Variants in KRTAP10-9 observed in about 807,000 individuals in gnomAD.
KRTAP10-9 encodes keratin associated protein 10-9, also known as keratin-associated protein 10-9.
Under a neutral mutation model 0.5 loss-of-function variants are expected in KRTAP10-9, and 1 was observed. The observed-to-expected ratio is 1.92, with a 90% CI of 0.68 to 9.09. KRTAP10-9 has a LOEUF of 9.09. Ranked by LOEUF, KRTAP10-9 falls within the 30% of genes most tolerant of loss-of-function variation. KRTAP10-9 has a pLI of 0.13. For synonymous variants in KRTAP10-9, 199 were observed against 159.8 expected, an observed-to-expected ratio of 1.25 and a Z score of -1.85; for missense variants, 391 against 376.4, an observed-to-expected ratio of 1.04 and a Z score of -0.32.
rs1300844638 is a variant in KRTAP10-9, at chr21:44,628,197, C to G, written c.*147C>G. The stretch of plus-strand genomic sequence containing the variant: ...CCAGCCCCGGGGTCTCAGATGCTCA[C>G]TGGCTCCTCCCTGACCTCCCCCCCG... On this transcript the variant is annotated 3_prime_UTR_variant, in exon 1 of 1. Transcript: ENST00000397911. 1 of 963,900 alleles carries G rather than the reference C, an allele frequency of 1.0e-6. No homozygotes were observed. The highest frequency in any genetic ancestry group is 1.5e-6 in the Non-Finnish European group (1 of 667,630). 59.7% of individuals were successfully genotyped at this position (963,900 alleles called of 1,614,324 possible).
chr21:44,627,383 G>A lies in KRTAP10-9; in HGVS notation c.212G>A (p.Cys71Tyr). The change falls in exon 1 of 1, where the codon TGC becomes TAC. Residue 71 changes from cysteine (C) to tyrosine (Y), a missense_variant. Coordinates refer to ENST00000397911, the MANE Select transcript of KRTAP10-9 (RefSeq NM_198690.3). The part of the protein sequence containing the change: ...TCEPSPCQSG[C>Y]TSSCTPSCCQ... Reference sequence around the variant, plus strand: ...GAGCCCAGCCCCTGCCAATCAGGCTGCACCAGCTCCTGCACGCCCTCGTGC... The same window carrying A: ...GAGCCCAGCCCCTGCCAATCAGGCTACACCAGCTCCTGCACGCCCTCGTGC... The A allele has an allele frequency of 6.2e-7, 1 of 1,613,890 alleles. No homozygotes were observed. Among genetic ancestry groups the A allele is most frequent in the Non-Finnish European group, 8.5e-7 (1 of 1,179,964 alleles).
rs1555934968 is a variant in KRTAP10-9, at chr21:44,628,064, C to T, written c.*14C>T. ...TCCAGCTGCTGACGGTCATGTCCCC[C>T]AGGGCCAGCCGGGCTCAGGCCCCAC... On this transcript the variant is annotated 3_prime_UTR_variant, in exon 1 of 1. Transcript: ENST00000397911. 1 of 1,603,144 alleles carries T rather than the reference C, an allele frequency of 6.2e-7. No individual in the cohort carries two copies. Among genetic ancestry groups the T allele is most frequent in the Non-Finnish European group, 8.5e-7 (1 of 1,173,664 alleles).
chr21:44,628,249 C>G lies in KRTAP10-9; in HGVS notation c.*199C>G, dbSNP rs1218931498. 3 of 573,762 alleles carry G rather than the reference C, an allele frequency of 5.2e-6. No individual in the cohort carries two copies. The highest frequency in any genetic ancestry group is 7.0e-5 in the Admixed American group (2 of 28,604). 35.5% of individuals were successfully genotyped at this position (573,762 alleles called of 1,614,324 possible). ...GCAGGCGAGCCCTGGCTTCTCCTCACGGTGCTTCCTGGCTGCAGACCACAA... is the reference window on the plus strand; with the variant it reads ...GCAGGCGAGCCCTGGCTTCTCCTCAGGGTGCTTCCTGGCTGCAGACCACAA... On this transcript the variant is annotated 3_prime_UTR_variant, in exon 1 of 1. Transcript: ENST00000397911.
In KRTAP10-9 at chr21:44,628,306, C is replaced by A; in HGVS notation, c.*256C>A. On this transcript the variant is annotated 3_prime_UTR_variant, in exon 1 of 1. Transcript: ENST00000397911. ...GCTGGTCGCTGGTTGGGGACGGGCC[C>A]TCCTGACCCGGGTCTCACCCCCAGC... is the stretch of plus-strand genomic sequence containing the variant. 1 of 379,234 alleles carries A rather than the reference C, an allele frequency of 2.6e-6. No homozygotes were observed. The highest frequency in any genetic ancestry group is 5.0e-6 in the Non-Finnish European group (1 of 201,622). 23.5% of individuals were successfully genotyped at this position (379,234 alleles called of 1,614,324 possible).
In KRTAP10-9 at chr21:44,627,979, C is replaced by T. The variant is rs1982982992; in HGVS notation, c.808C>T (p.Leu270Phe). 2 of 1,529,362 alleles carry T rather than the reference C, an allele frequency of 1.3e-6. No homozygotes were observed. The highest frequency in any genetic ancestry group is 1.8e-6 in the Non-Finnish European group (2 of 1,124,576). 94.7% of individuals were successfully genotyped at this position (1,529,362 alleles called of 1,614,324 possible). The change falls in exon 1 of 1, where the codon CTT becomes TTT. Residue 270 changes from leucine to phenylalanine, a missense_variant. Physicochemically the swap from Leu to Phe is conservative, Grantham distance 22. Transcript: ENST00000397911. ...SYCRQASCVS[L>F]LCRPVCSRPA... is the part of the protein sequence containing the mutation. ...TTGCCGCCAGGCCTCCTGTGTGTCC[C>T]TTCTCTGCCGCCCTGTGTGCTCCCG...
chr21:44,628,214 T>C lies in KRTAP10-9; in HGVS notation c.*164T>C. ...GATGCTCACTGGCTCCTCCCTGACCTCCCCCCCGGGCAGGCGAGCCCTGGC... is the reference window on the plus strand; with the variant it reads ...GATGCTCACTGGCTCCTCCCTGACCCCCCCCCCGGGCAGGCGAGCCCTGGC... On this transcript the variant is annotated 3_prime_UTR_variant, in exon 1 of 1. Transcript: ENST00000397911. The C allele has an allele frequency of 1.4e-6, 1 of 733,910 alleles. No homozygotes were observed. Among genetic ancestry groups the C allele is most frequent in the Non-Finnish European group, 2.1e-6 (1 of 466,142 alleles). 45.5% of individuals were successfully genotyped at this position (733,910 alleles called of 1,614,324 possible).
At position 44,627,908 on chromosome 21, in the gene KRTAP10-9, C is replaced by T. The variant is rs1569228024; in HGVS notation, c.737C>T (p.Pro246Leu). The T allele has an allele frequency of 6.6e-7, 1 of 1,520,594 alleles. No individual in the cohort carries two copies. The allele number at this position is 1,520,594 out of a possible 1,614,324, so 94.2% of individuals were successfully genotyped here. A position where few individuals can be genotyped will look rare whatever the true frequency, so the allele number is the denominator to read the frequency against. ...RPVCRPACCV[P>L]VSSCCAPTSS... ...GTGTGCAGGCCCGCCTGCTGCGTGC[C>T]CGTCTCCTCCTGCTGTGCCCCCACC... Residue 246 changes from proline to leucine, a missense_variant, in exon 1 of 1, where the codon CCC (proline) becomes CTC (leucine). Transcript: ENST00000397911.
Position 44,627,303 on chromosome 21 carries a change from C to T in KRTAP10-9, c.132C>T (p.Thr44=), listed in dbSNP as rs367989613. Residue 44 remains threonine (T), a synonymous_variant, in exon 1 of 1, where the codon ACC becomes ACT. Coordinates refer to ENST00000397911, the MANE Select transcript of KRTAP10-9 (RefSeq NM_198690.3). ...GCTGCGCCCCGGCCCCCTGCCTGAC[C>T]CTGGTCTGCACCCCAGTGAGCCGTG... ...TSCCAPAPCL[T]LVCTPVSRVS... is the part of the protein sequence containing the mutation. 1 of 1,612,788 alleles carries T rather than the reference C, an allele frequency of 6.2e-7. No homozygotes were observed. The highest frequency in any genetic ancestry group is 8.5e-7 in the Non-Finnish European group (1 of 1,179,934).
chr21:44,627,864 G>C lies in KRTAP10-9; in HGVS notation c.693G>C (p.Val231=). 1 of 1,613,302 alleles carries C rather than the reference G, an allele frequency of 6.2e-7. No individual in the cohort carries two copies. Among genetic ancestry groups the C allele is most frequent in the East Asian group, 2.2e-5 (1 of 44,822 alleles). ...TTSCCRPSSS[V]SLLCRPVCRP... Reference sequence around the variant, plus strand: ...CCTGCTGCAGACCCTCCTCCTCTGTGTCCCTCCTCTGCCGCCCTGTGTGCA... The same window carrying C: ...CCTGCTGCAGACCCTCCTCCTCTGTCTCCCTCCTCTGCCGCCCTGTGTGCA... The change falls in exon 1 of 1, where the codon GTG becomes GTC. Residue 231 remains valine (V), a synonymous_variant. Transcript: ENST00000397911.
chr21:44,627,249 C>T lies in KRTAP10-9; in HGVS notation c.78C>T (p.Cys26=). The change falls in exon 1 of 1, where the codon TGC becomes TGT. Residue 26 remains cysteine (C), a synonymous_variant. Coordinates refer to ENST00000397911, the MANE Select transcript of KRTAP10-9 (RefSeq NM_198690.3). The stretch of plus-strand genomic sequence containing the variant: ...AGGTGGACGACTGCCCAGAGAGCTG[C>T]TGTGAGCCCCCCTGCTGCGCCACCA... ...SWQVDDCPES[C]CEPPCCATSC... is the part of the protein sequence containing the mutation. The T allele has an allele frequency of 6.2e-7, 1 of 1,612,770 alleles. No individual in the cohort carries two copies. The highest frequency in any genetic ancestry group is 8.5e-7 in the Non-Finnish European group (1 of 1,180,000).
rs782600171 is a variant in KRTAP10-9, at chr21:44,627,333, C to T, written c.162C>T (p.Ser54=). The T allele has an allele frequency of 4.3e-6, 7 of 1,613,178 alleles. No individual in the cohort carries two copies. The Admixed American group carries it at 6.7e-5, about 15-fold the overall frequency. ...TCTGCACCCCAGTGAGCCGTGTATCCAGCCCCTGCTGCCAGGTGACCTGTG... is the reference window on the plus strand; with the variant it reads ...TCTGCACCCCAGTGAGCCGTGTATCTAGCCCCTGCTGCCAGGTGACCTGTG... The part of the protein sequence containing the change: ...TLVCTPVSRV[S]SPCCQVTCEP... Residue 54 remains serine, a synonymous_variant, in exon 1 of 1, where the codon TCC becomes TCT. Transcript: ENST00000397911.
Position 44,627,432 on chromosome 21 carries a change from G to T in KRTAP10-9, c.261G>T (p.Pro87=). ...PSCCQQSSCQ[P]AYCTSSPCQQ... is the part of the protein sequence containing the mutation. ...GCTGCCAGCAGTCTAGCTGCCAGCC[G>T]GCTTACTGCACCTCCTCCCCCTGCC... The change falls in exon 1 of 1, where the codon CCG becomes CCT. Residue 87 remains proline (P), a synonymous_variant. Coordinates refer to ENST00000397911, the MANE Select transcript of KRTAP10-9 (RefSeq NM_198690.3). The T allele has an allele frequency of 6.2e-7, 1 of 1,613,188 alleles. No homozygotes were observed. Among genetic ancestry groups the T allele is most frequent in the East Asian group, 2.2e-5 (1 of 44,844 alleles).
At position 44,627,693 on chromosome 21, in the gene KRTAP10-9, T is replaced by C. The variant is rs369253717; in HGVS notation, c.522T>C (p.Thr174=). 93 of 1,597,218 alleles carry C rather than the reference T, an allele frequency of 5.8e-5. No individual in the cohort carries two copies. In the East Asian group the frequency reaches 7.7e-4, roughly 13 times the overall value. ...QQSSCQPACC[T]SSPCQQSYCV... ...CTAGCTGCCAGCCAGCTTGCTGCAC[T>C]TCCTCCCCCTGCCAGCAGTCCTACT... The change falls in exon 1 of 1, where the codon ACT becomes ACC. Residue 174 remains threonine, a synonymous_variant. Coordinates refer to ENST00000397911, the MANE Select transcript of KRTAP10-9 (RefSeq NM_198690.3).
chr21:44,627,126 C>A lies in KRTAP10-9; in HGVS notation c.-46C>A, dbSNP rs782168577. On this transcript the variant is annotated 5_prime_UTR_variant, in exon 1 of 1. Transcript: ENST00000397911. ...ACAAACTCACTCACTGACACACTCA[C>A]ACACTCACTTACACCTCCCCCAGCT... The A allele has an allele frequency of 1.3e-6, 2 of 1,590,978 alleles. No homozygotes were observed. Among genetic ancestry groups the A allele is most frequent in the East Asian group, 2.2e-5 (1 of 44,724 alleles).
rs782143177 is a variant in KRTAP10-9, at chr21:44,627,995, T to C, written c.824T>C (p.Val275Ala). Reference protein sequence around the residue: ...ASCVSLLCRPVCSRPACYSFS... With the variant: ...ASCVSLLCRPACSRPACYSFS... ...TGTGTGTCCCTTCTCTGCCGCCCTG[T>C]GTGCTCCCGCCCGGCCTGCTACAGC... Residue 275 changes from valine to alanine, a missense_variant, in exon 1 of 1, where the codon GTG becomes GCG. By Grantham distance (64) the Val-to-Ala change is moderately conservative. Coordinates refer to ENST00000397911, the MANE Select transcript of KRTAP10-9 (RefSeq NM_198690.3). 13 of 1,610,982 alleles carry C rather than the reference T, an allele frequency of 8.1e-6. No individual in the cohort carries two copies. Among genetic ancestry groups the C allele is most frequent in the East Asian group, 2.2e-5 (1 of 44,792 alleles).
rs370664500 is a variant in KRTAP10-9 at position 44,627,777 on chromosome 21, C to T, written c.606C>T (p.Cys202=). Reference sequence around the variant, plus strand: ...AACCCATCTGCTGTGTGCCTGTCTGCTCTGGGGCTTCCTCTTTGTGCTGCC... The same window carrying T: ...AACCCATCTGCTGTGTGCCTGTCTGTTCTGGGGCTTCCTCTTTGTGCTGCC... ...CCKPICCVPV[C]SGASSLCCQQ... Residue 202 remains cysteine (C), a synonymous_variant, in exon 1 of 1, where the codon TGC becomes TGT. Coordinates refer to ENST00000397911, the MANE Select transcript of KRTAP10-9 (RefSeq NM_198690.3). The T allele has an allele frequency of 1.0e-5, 16 of 1,600,592 alleles. No homozygotes were observed. The highest frequency in any genetic ancestry group is 4.5e-5 in the East Asian group (2 of 44,652).
Position 44,627,988 on chromosome 21 carries a change from C to T in KRTAP10-9, c.817C>T (p.Arg273Cys), listed in dbSNP as rs782610949. ...RQASCVSLLCRPVCSRPACYS... is the reference protein window; with the variant it reads ...RQASCVSLLCCPVCSRPACYS... The stretch of plus-strand genomic sequence containing the variant: ...GGCCTCCTGTGTGTCCCTTCTCTGC[C>T]GCCCTGTGTGCTCCCGCCCGGCCTG... The change falls in exon 1 of 1, where the codon CGC becomes TGC. Residue 273 changes from arginine (R) to cysteine (C), a missense_variant. By Grantham distance (180) the Arg-to-Cys change is radical (BLOSUM62 -3). Coordinates refer to ENST00000397911, the MANE Select transcript of KRTAP10-9 (RefSeq NM_198690.3). The T allele has an allele frequency of 2.3e-5, 37 of 1,611,120 alleles. No homozygotes were observed. The highest frequency in any genetic ancestry group is 2.2e-4 in the Admixed American group (13 of 59,826).
At position 44,628,105 on chromosome 21, in the gene KRTAP10-9, T is replaced by G; in HGVS notation, c.*55T>G. On this transcript the variant is annotated 3_prime_UTR_variant, in exon 1 of 1. Coordinates refer to ENST00000397911, the MANE Select transcript of KRTAP10-9 (RefSeq NM_198690.3). ...CAGGCCCCACCTCCCTGCCAGTCCT[T>G]GGACCTCCCAGCCCACCCAGCCTCA... The G allele has an allele frequency of 6.4e-7, 1 of 1,569,130 alleles. No individual in the cohort carries two copies. The highest frequency in any genetic ancestry group is 8.7e-7 in the Non-Finnish European group (1 of 1,155,176).
At position 44,628,020 on chromosome 21, in the gene KRTAP10-9, C is replaced by T. The variant is rs781974345; in HGVS notation, c.849C>T (p.Ser283=). 14 of 1,613,028 alleles carry T rather than the reference C, an allele frequency of 8.7e-6. No individual in the cohort carries two copies. The highest frequency in any genetic ancestry group is 1.7e-4 in the Middle Eastern group (1 of 6,056). Residue 283 remains serine, a synonymous_variant, in exon 1 of 1, where the codon AGC becomes AGT. Coordinates refer to ENST00000397911, the MANE Select transcript of KRTAP10-9 (RefSeq NM_198690.3). ...TGTGCTCCCGCCCGGCCTGCTACAG[C>T]TTCTCCTCAGGCCAGAAGTCCAGCT... The part of the protein sequence containing the change: ...RPVCSRPACY[S]FSSGQKSSC
Sources: allele counts gnomAD v4.1 joint callset, GRCh38; gene constraint gnomAD v4.1.1; transcripts MANE v1.5; gene names NCBI Gene and HGNC (gene_info 2026-07-23, HGNC 2026-07-21).